CEP112: variants seen among roughly 807,000 people sequenced by gnomAD.
The protein encoded by CEP112 is centrosomal protein of 112 kDa.
Under a neutral mutation model 153.0 loss-of-function variants are expected in CEP112, and 127 were observed. That is an observed-to-expected ratio of 0.83 (90% CI 0.72 to 0.96). CEP112 has a LOEUF of 0.96. CEP112 is among the 40% of genes least tolerant of loss of function. The pLI is 0.00. For missense variants in CEP112, 1,089 were observed against 1,101.2 expected (o/e 0.99, Z 0.16); for synonymous variants, 358 against 374.4 (o/e 0.96, Z 0.51).
intron 6 of CEP112, among the ~76,000 whole-genome samples, chr17:66,117,816 AG>A (rs571612445): frequency 2.6e-4 from 39 of 152,364 alleles, no homozygotes; most frequent in African/African-American, 9.4e-4. Context: ...ACAACTTAAT[AG>A]GGGGAAAATC....
At chr17:65,942,181 TAGGA>T (rs66701460) in intron 18 of CEP112, among the ~76,000 whole-genome samples, 72,209 of 151,248 alleles carry the variant, frequency 0.48, 18,182 homozygotes, top group East Asian at 0.89. Context: ...GTGTTGGCAT[TAGGA>T]AGATTCTCAC....
chr17:66,141,753 T>C (rs567154750), intron 4 of CEP112, among the ~76,000 whole-genome samples: 27 of 152,358 alleles, frequency 1.8e-4, no homozygotes, highest in African/African-American at 6.5e-4. Flanking sequence ...ATTTTATGTA[T>C]ATACCATATT....
At chr17:65,933,379 A>T (rs1245099873) in intron 18 of CEP112, among the ~76,000 whole-genome samples, 1 of 152,262 alleles carries the variant, frequency 6.6e-6, no homozygotes, top group Non-Finnish European at 1.5e-5. Context: ...TCACGAAGAC[A>T]CATCATAATC....
chr17:65,958,409 C>T (rs1469094495), intron 18 of CEP112, among the ~76,000 whole-genome samples: 1 of 152,174 alleles, frequency 6.6e-6, no homozygotes, highest in African/African-American at 2.4e-5. Flanking sequence ...TTCAGCCTAC[C>T]ATACCATAGC....
intron 10 of CEP112, among the ~76,000 whole-genome samples, chr17:66,065,779 G>A (rs532354953): frequency 3.3e-5 from 5 of 151,790 alleles, no homozygotes; most frequent in East Asian, 1.9e-4. Context: ...ACAGGCGCCC[G>A]CCACCACGCC....
At chr17:65,778,680 C>A (rs896289138) in intron 21 of CEP112, among the ~76,000 whole-genome samples, 2 of 152,064 alleles carry the variant, frequency 1.3e-5, no homozygotes, top group African/African-American at 4.8e-5. Context: ...TTTATCTCCA[C>A]TTAGCATATT....
chr17:65,719,504 C>A (rs1367044827), intron 23 of CEP112, among the ~76,000 whole-genome samples: 2 of 152,126 alleles, frequency 1.3e-5, no homozygotes, highest in Non-Finnish European at 2.9e-5. Flanking sequence ...ATCACTTGAA[C>A]CCTGGAGGCA....
intron 17 of CEP112, among the ~76,000 whole-genome samples, chr17:65,977,168 T>C (rs2063067691): frequency 6.6e-6 from 1 of 152,258 alleles, no homozygotes; most frequent in Non-Finnish European, 1.5e-5. Context: ...GAGACTCTGC[T>C]ATGCATGGTT....
At chr17:65,934,240 A>G (rs1428281926) in intron 18 of CEP112, among the ~76,000 whole-genome samples, 1 of 152,224 alleles carries the variant, frequency 6.6e-6, no homozygotes, top group African/African-American at 2.4e-5. Flanking sequence ...TAAATTGTGA[A>G]ATCAAAAACA....
chr17:66,105,735 A>C (rs910534744), intron 6 of CEP112, among the ~76,000 whole-genome samples: 3 of 152,094 alleles, frequency 2.0e-5, no homozygotes, highest in African/African-American at 7.2e-5. Flanking sequence ...CAGAGGTTGC[A>C]GTAGCCAAGA....
At chr17:66,109,559 T>G in intron 6 of CEP112, among the ~76,000 whole-genome samples, 1 of 152,074 alleles carries the variant, frequency 6.6e-6, no homozygotes, top group East Asian at 1.9e-4. Flanking sequence ...ACTGCATAAT[T>G]CCTAGATAAA....
intron 21 of CEP112, among the ~76,000 whole-genome samples, chr17:65,831,554 C>CT (rs1307111427): frequency 7.0e-6 from 1 of 143,082 alleles, no homozygotes; most frequent in Non-Finnish European, 1.5e-5. Flanking sequence ...GAGACTCCTT[C>CT]TCAAAAAAAA....
intron 20 of CEP112, among the ~76,000 whole-genome samples, chr17:65,896,690 G>C (rs1321245539): frequency 6.6e-6 from 1 of 151,862 alleles, no homozygotes; most frequent in African/African-American, 2.4e-5. Flanking sequence ...GGAAAATTCT[G>C]TATGACCTAT....
intron 12 of CEP112, among the ~76,000 whole-genome samples, chr17:66,039,598 T>G (rs9891252): frequency 0.52 from 78,442 of 151,942 alleles, 21,133 homozygotes; most frequent in African/African-American, 0.59. Context: ...AAGGTGCTTA[T>G]GTCTTAAAGA....
intron 21 of CEP112, among the ~76,000 whole-genome samples, chr17:65,844,753 C>T (rs1180755204): frequency 3.3e-5 from 5 of 151,324 alleles, no homozygotes; most frequent in African/African-American, 4.9e-5. Flanking sequence ...TGGTGGCTCA[C>T]GCCTGTAATC....
chr17:65,917,917 C>T (rs2060554798), intron 19 of CEP112, among the ~76,000 whole-genome samples: 1 of 152,110 alleles, frequency 6.6e-6, no homozygotes, highest in Admixed American at 6.5e-5. Context: ...TGGCTCACGC[C>T]TGTAATCCTA....
Position 65,689,227 on chromosome 17 carries a change from G to C in CEP112, c.2608-9C>G. ...AATTCATCTTGTAAAACCTGAAACG[G>C]TATAAAATAAAGATATCATTAATAA... On this transcript the variant is annotated splice_polypyrimidine_tract_variant and intron_variant, in intron 23 of 26. Coordinates refer to ENST00000535342, the MANE Select transcript of CEP112 (RefSeq NM_001199165.4). The C allele has an allele frequency of 6.3e-7, 1 of 1,592,504 alleles. No homozygotes were observed. Among genetic ancestry groups the C allele is most frequent in the Non-Finnish European group, 8.6e-7 (1 of 1,160,860 alleles).
intron 20 of CEP112, among the ~76,000 whole-genome samples, chr17:65,865,018 A>G (rs1416129272): frequency 6.6e-6 from 1 of 151,024 alleles, no homozygotes; most frequent in Non-Finnish European, 1.5e-5. Flanking sequence ...TTTACTTTAT[A>G]CAGGAAAGAC....
intron 21 of CEP112, among the ~76,000 whole-genome samples, chr17:65,813,090 C>T (rs2056075444): frequency 6.6e-6 from 1 of 152,114 alleles, no homozygotes; most frequent in African/African-American, 2.4e-5. Context: ...AGGTGACTAG[C>T]AGGGCATGAT....
Sources: allele counts gnomAD v4.1 joint callset (sites outside exome capture counted in the v4.1 genomes callset), GRCh38; gene constraint gnomAD v4.1.1; transcripts MANE v1.5; gene names NCBI Gene and HGNC (gene_info 2026-07-23, HGNC 2026-07-21).